EIF4H: variants seen among roughly 807,000 people sequenced by gnomAD.
EIF4H encodes Williams-Beuren syndrome chromosome region 1.
EIF4H carries 8 observed loss-of-function variants against 30.6 expected under a neutral mutation model. That is an observed-to-expected ratio of 0.26 (90% confidence interval 0.15 to 0.47). EIF4H has a LOEUF of 0.47. Ranked by LOEUF, EIF4H falls within the 20% of genes least tolerant of loss-of-function variation. EIF4H has a pLI of 0.99. For synonymous variants in EIF4H, 106 were observed against 122.7 expected, an observed-to-expected ratio of 0.86 and a Z score of 0.90; for missense variants, 188 against 339.5, an observed-to-expected ratio of 0.55 and a Z score of 3.51.
chr7:74,182,779 C>T (rs1800991590), intron 1 of EIF4H, among the ~76,000 whole-genome samples: 1 of 152,148 alleles, frequency 6.6e-6, no homozygotes, highest in East Asian at 1.9e-4. Context: ...TGTACATTGG[C>T]TTCTTTTTAT....
In EIF4H at chr7:74,189,832, A is replaced by C. The variant is rs1554709648; in HGVS notation, c.323A>C (p.Asp108Ala). The change falls in exon 4 of 7, where the codon GAT becomes GCT. Residue 108 changes from aspartate (D) to alanine (A), a missense_variant. Around this residue, in one of 4 missense-constraint regions of EIF4H, gnomAD observed 52 missense variants for 143.9 expected, o/e 0.36. Transcript: ENST00000265753. ...ALTYDGALLG[D>A]RSLRVDIAEG... ...TCCCTTTATCATTAGCTGTTGGGCG[A>C]TCGGTCACTTCGTGTGGACATTGCA... 1 of 1,614,152 alleles carries C rather than the reference A, an allele frequency of 6.2e-7. No individual in the cohort carries two copies. The highest frequency in any genetic ancestry group is 1.7e-5 in the Admixed American group (1 of 60,010).
At chr7:74,177,985 G>A (rs1800878076) in intron 1 of EIF4H, among the ~76,000 whole-genome samples, 1 of 152,180 alleles carries the variant, frequency 6.6e-6, no homozygotes, top group South Asian at 2.1e-4. Flanking sequence ...CTGTCACCCA[G>A]GCTGGAGTGC....
At position 74,194,793 on chromosome 7, in the gene EIF4H, G is replaced by C; in HGVS notation, c.522G>C (p.Arg174=). The part of the protein sequence containing the change: ...GGRGGSRPGD[R]RTGPPMGSRF... ...GGGGAGGTAGTCGCCCAGGCGACCG[G>C]CGAACAGGCCCCCCCATGGGCAGCC... The change falls in exon 6 of 7, where the codon CGG becomes CGC. Residue 174 remains arginine, a synonymous_variant. Transcript: ENST00000265753. 6.2e-7 allele frequency: 1 copy of C among 1,603,180 alleles called. No homozygotes were observed. The highest frequency in any genetic ancestry group is 8.5e-7 in the Non-Finnish European group (1 of 1,170,926).
rs782437953 is a variant in EIF4H at position 74,174,395 on chromosome 7, C to T, written c.12C>T (p.Phe4=). Residue 4 remains phenylalanine, a synonymous_variant, in exon 1 of 7, where the codon TTC becomes TTT. Coordinates refer to ENST00000265753, the MANE Select transcript of EIF4H (RefSeq NM_022170.2). MAD[F]DTYDDRAYSS... is the part of the protein sequence containing the mutation. The stretch of plus-strand genomic sequence containing the variant: ...AGCGGAGACGGCAAATGGCGGACTT[C>T]GACACCTACGACGATCGGGCCTACA... 1.4e-6 allele frequency: 2 copies of T among 1,458,788 alleles called. No homozygotes were observed. The highest frequency in any genetic ancestry group is 2.1e-5 in the Admixed American group (1 of 48,510). The allele number at this position is 1,458,788 out of a possible 1,614,324, so 90.4% of individuals were successfully genotyped here. A position where few individuals can be genotyped will look rare whatever the true frequency, so the allele number is the denominator to read the frequency against.
rs1801089805 is a variant in EIF4H, at chr7:74,186,788, A to AATTTTTTTTTTTTTTTTTTTTT, written c.60-823_60-822insATTTTTTTTTTTTTTTTTTTTT. Reference sequence around the variant, plus strand: ...GCCCATAATCAGGCAACAAGGAGAAATTTTTTTTTTTTTTTTTTTTTTTTT... The same window carrying AATTTTTTTTTTTTTTTTTTTTT: ...GCCCATAATCAGGCAACAAGGAGAAAATTTTTTTTTTTTTTTTTTTTTTTTTTTTTTTTTTTTTTTTTTTTTT... On this transcript the variant is annotated intron_variant, in intron 1 of 6. Transcript: ENST00000265753. Among the ~76,000 whole-genome samples, 4 of 70,090 alleles carry AATTTTTTTTTTTTTTTTTTTTT rather than the reference A, an allele frequency of 5.7e-5. 1 individual carries two copies. Among genetic ancestry groups the AATTTTTTTTTTTTTTTTTTTTT allele is most frequent in the Admixed American group, 1.7e-4 (1 of 5,856 alleles). The allele number at this position is 70,090 out of a possible 152,430, so 46.0% of individuals were successfully genotyped here.
Position 74,195,441 on chromosome 7 carries a change from T to C in EIF4H, c.*133T>C. 1.3e-5 allele frequency: 13 copies of C among 1,015,686 alleles called. No homozygotes were observed. Among genetic ancestry groups the C allele is most frequent in the Non-Finnish European group, 1.9e-5 (13 of 702,486 alleles). 62.9% of individuals were successfully genotyped at this position (1,015,686 alleles called of 1,614,324 possible). ...CTCCTCACAGCGGAAACACAGCTTG[T>C]GAGTGCATGTCAGCTGTTAACAAGT... On this transcript the variant is annotated 3_prime_UTR_variant, in exon 7 of 7. Coordinates refer to ENST00000265753, the MANE Select transcript of EIF4H (RefSeq NM_022170.2).
intron 1 of EIF4H, among the ~76,000 whole-genome samples, chr7:74,183,341 T>TC (rs1801008157): frequency 6.6e-6 from 1 of 152,218 alleles, no homozygotes; most frequent in African/African-American, 2.4e-5. Flanking sequence ...CTGTTCCTGT[T>TC]CTACACGCAC....
Position 74,190,769 on chromosome 7 carries a change from G to A in EIF4H, c.469+463G>A, listed in dbSNP as rs73129363. On this transcript the variant is annotated intron_variant, in intron 5 of 6. Transcript: ENST00000265753. ...CTTGATGGTGGACCTGATGCACTTC[G>A]CCGTTCTCTTTCTTAGCCAACCCAG... Among the ~76,000 whole-genome samples, 493 of 152,024 alleles carry A rather than the reference G, an allele frequency of 3.2e-3. 1 individual carries two copies. The highest frequency in any genetic ancestry group is 6.8e-3 in the Middle Eastern group (2 of 292).
intron 5 of EIF4H, chr7:74,191,412 T>C (rs972932998): frequency 7.4e-6 from 3 of 403,096 alleles, no homozygotes; most frequent in Non-Finnish European, 1.5e-5. Flanking sequence ...TTGGCTTAGC[T>C]TGGCCACTGG....
At chr7:74,176,592 A>G (rs1018541964) in intron 1 of EIF4H, among the ~76,000 whole-genome samples, 1 of 152,240 alleles carries the variant, frequency 6.6e-6, no homozygotes, top group Admixed American at 6.5e-5. Flanking sequence ...CTTGGGTCAC[A>G]GGTGAAAGAA....
chr7:74,191,158 GACGACT>G (rs781896508), intron 5 of EIF4H: 8 of 533,166 alleles, frequency 1.5e-5, no homozygotes, highest in Non-Finnish European at 3.1e-5. Context: ...CTGAACAGGT[GACGACT>G]ACCTGTTGAA....
rs1459455573 is a variant in EIF4H at position 74,179,257 on chromosome 7, A to G, written c.59+4815A>G. On this transcript the variant is annotated intron_variant, in intron 1 of 6. Coordinates refer to ENST00000265753, the MANE Select transcript of EIF4H (RefSeq NM_022170.2). ...ATATTTGATTCTATACCAAAACTCA[A>G]TAAGCAGTAGTTTCTATGAAGGTTA... 2.0e-5 allele frequency among the ~76,000 whole-genome samples: 3 copies of G among 152,368 alleles called. No individual in the cohort carries two copies. In the East Asian group the frequency reaches 5.8e-4, roughly 29 times the overall value.
Position 74,187,536 on chromosome 7 carries a change from C to T in EIF4H, c.60-75C>T, listed in dbSNP as rs17146089. ...CACCTGGGGCGCTGGCGGCGTAGCTCAGCGGAAGACCGCTTTACTTGTTTT... is the reference window on the plus strand; with the variant it reads ...CACCTGGGGCGCTGGCGGCGTAGCTTAGCGGAAGACCGCTTTACTTGTTTT... On this transcript the variant is annotated intron_variant, in intron 1 of 6. Transcript: ENST00000265753. The T allele has an allele frequency of 4.9e-3, 6,817 of 1,398,328 alleles. 304 individuals carry two copies. The African/African-American group carries it at 0.086, about 18-fold the overall frequency. 86.6% of individuals were successfully genotyped at this position (1,398,328 alleles called of 1,614,324 possible).
intron 4 of EIF4H, 37 bp from the exon 5 acceptor site, chr7:74,190,210 A>G: frequency 1.2e-6 from 2 of 1,602,346 alleles, no homozygotes; most frequent in Non-Finnish European, 1.7e-6. Flanking sequence ...CAAGGTAATG[A>G]CACGACCTCA....
intron 2 of EIF4H, among the ~76,000 whole-genome samples, chr7:74,188,324 G>A (rs980386113): frequency 5.3e-5 from 8 of 152,184 alleles, no homozygotes; most frequent in East Asian, 1.9e-4. Context: ...TGCAGGGTGC[G>A]GGAGCAAAGA....
chr7:74,176,239 CT>C (rs1283931267), intron 1 of EIF4H, among the ~76,000 whole-genome samples: 362 of 137,584 alleles, frequency 2.6e-3, no homozygotes, highest in Admixed American at 5.3e-3. Context: ...CATGTGTATT[CT>C]TTTTTTTTTT....
At chr7:74,183,319 C>T (rs782070489) in intron 1 of EIF4H, among the ~76,000 whole-genome samples, 11 of 152,152 alleles carry the variant, frequency 7.2e-5, no homozygotes, top group Admixed American at 2.6e-4. Context: ...TGAATTGGCA[C>T]GCTCTGCTGA....
chr7:74,192,514 G>A lies in EIF4H; in HGVS notation c.469+2208G>A, dbSNP rs1435721895. 3.3e-5 allele frequency among the ~76,000 whole-genome samples: 5 copies of A among 151,978 alleles called. No homozygotes were observed. The South Asian group carries it at 8.3e-4, about 25-fold the overall frequency. On this transcript the variant is annotated intron_variant, in intron 5 of 6. Coordinates refer to ENST00000265753, the MANE Select transcript of EIF4H (RefSeq NM_022170.2). ...TTGCCACCTTTAAAGAATAGAAATC[G>A]GCCCCCACCACAGGTGATGCAGTCA...
At chr7:74,177,944 C>T (rs1800877057) in intron 1 of EIF4H, among the ~76,000 whole-genome samples, 1 of 152,072 alleles carries the variant, frequency 6.6e-6, no homozygotes, top group Non-Finnish European at 1.5e-5. Context: ...GAGTTAGAAA[C>T]ATGTATTTAT....
Sources: allele counts gnomAD v4.1 joint callset (sites outside exome capture counted in the v4.1 genomes callset), GRCh38; gene constraint gnomAD v4.1.1; regional missense constraint gnomAD v4.1.1; transcripts MANE v1.5; gene names NCBI Gene and HGNC (gene_info 2026-07-23, HGNC 2026-07-21).